Variants in GTF3C3 observed in about 807,000 individuals in gnomAD.
The protein encoded by GTF3C3 is general transcription factor 3C polypeptide 3.
GTF3C3 carries 75 observed loss-of-function variants against 105.2 expected under a neutral mutation model. The observed-to-expected ratio is 0.71, with a 90% CI of 0.59 to 0.86. The LOEUF is 0.86. Ranked by LOEUF, GTF3C3 falls within the 40% of genes least tolerant of loss-of-function variation. The probability of loss-of-function intolerance (pLI) is 0.00; values close to 1 mark genes in which losing one functional copy is unlikely to be tolerated. For synonymous variants in GTF3C3, 335 were observed against 370.4 expected, an observed-to-expected ratio of 0.90 and a Z score of 1.10; for missense variants, 856 against 1,076.5, an observed-to-expected ratio of 0.80 and a Z score of 2.87.
rs756025493 is a variant in GTF3C3, at chr2:196,789,840, C to T, written c.727+39G>A. On this transcript the variant is annotated intron_variant, in intron 5 of 17. Coordinates refer to ENST00000263956, the MANE Select transcript of GTF3C3 (RefSeq NM_012086.5). ...AATGATCAAAAAACCTATTATGTAACAGCTTGTAAAAGTGAAAAAAAAAAA... is the reference window on the plus strand; with the variant it reads ...AATGATCAAAAAACCTATTATGTAATAGCTTGTAAAAGTGAAAAAAAAAAA... The T allele has an allele frequency of 1.1e-5, 14 of 1,248,396 alleles. No homozygotes were observed. The East Asian group carries it at 3.1e-4, about 28-fold the overall frequency. The allele number at this position is 1,248,396 out of a possible 1,614,324, so 77.3% of individuals were successfully genotyped here. A position where few individuals can be genotyped will look rare whatever the true frequency, so the allele number is the denominator to read the frequency against.
chr2:196,764,645 G>A lies in GTF3C3; in HGVS notation c.2579C>T (p.Ala860Val). ...CTGATAGATGAGAGACAAGTTGTAG[G>A]CAATATCTCTTCGTAAGTCTAACTG... ...LDQLDLRRDI[A>V]YNLSLIYQSS... Residue 860 changes from alanine (A) to valine (V), a missense_variant, in exon 18 of 18, where the codon GCC becomes GTC. This residue lies in a region of GTF3C3 where 134 missense variants were observed against 128.9 expected (regional missense o/e 1.04). Coordinates refer to ENST00000263956, the MANE Select transcript of GTF3C3 (RefSeq NM_012086.5). 1 of 1,610,384 alleles carries A rather than the reference G, an allele frequency of 6.2e-7. No individual in the cohort carries two copies. Among genetic ancestry groups the A allele is most frequent in the Non-Finnish European group, 8.5e-7 (1 of 1,176,696 alleles).
chr2:196,776,541 C>G lies in GTF3C3; in HGVS notation c.1479G>C (p.Arg493Ser). 1 of 1,614,142 alleles carries G rather than the reference C, an allele frequency of 6.2e-7. No homozygotes were observed. The highest frequency in any genetic ancestry group is 8.5e-7 in the Non-Finnish European group (1 of 1,179,996). Residue 493 changes from arginine (R) to serine (S), a missense_variant, in exon 11 of 18, where the codon AGG becomes AGC. Around this residue, in one of 3 missense-constraint regions of GTF3C3, gnomAD observed 605 missense variants for 833.6 expected, o/e 0.73. Transcript: ENST00000263956. The surrounding 1 kb of genome is among the most constrained non-coding windows in gnomAD (Gnocchi z 4.5). ...GCTGCTGAAGGGTAGAAAGTGAAAT[C>G]CTTGCATCCAAATGGAGTGGGGCCA... is the stretch of plus-strand genomic sequence containing the variant. ...VDLAPLHLDA[R>S]ISLSTLQQQL...
intron 16 of GTF3C3, 48 bp from the exon 17 acceptor site, chr2:196,766,765 T>C (rs948314427): frequency 6.9e-7 from 1 of 1,453,954 alleles, no homozygotes; most frequent in Non-Finnish European, 9.5e-7. Flanking sequence ...ATTTGACAAT[T>C]ATGTACTAGA....
At chr2:196,775,887 C>T in intron 12 of GTF3C3, 123 bp downstream of exon 12, 1 of 509,274 alleles carries the variant, frequency 2.0e-6, no homozygotes, top group Non-Finnish European at 3.5e-6. Flanking sequence ...TTTTATCTTT[C>T]ATTTTTAAAA....
rs1285706250 is a variant in GTF3C3 at position 196,797,169 on chromosome 2, A to G, written c.214+628T>C. Among the ~76,000 whole-genome samples, 4 of 152,364 alleles carry G rather than the reference A, an allele frequency of 2.6e-5. No homozygotes were observed. In the East Asian group the frequency reaches 7.7e-4, roughly 29 times the overall value. On this transcript the variant is annotated intron_variant, in intron 2 of 17. Coordinates refer to ENST00000263956, the MANE Select transcript of GTF3C3 (RefSeq NM_012086.5). Reference sequence around the variant, plus strand: ...TATGGTAGTAAATGGATACCCTGAGATATTATCAGCATTCTGATCCCTGGA... The same window carrying G: ...TATGGTAGTAAATGGATACCCTGAGGTATTATCAGCATTCTGATCCCTGGA...
chr2:196,788,958 T>C (rs1159888047), intron 6 of GTF3C3, among the ~76,000 whole-genome samples: 3 of 151,920 alleles, frequency 2.0e-5, no homozygotes, highest in Non-Finnish European at 4.4e-5. Context: ...TCCCAGCTAT[T>C]TGGGAGGCTG....
intron 4 of GTF3C3, among the ~76,000 whole-genome samples, chr2:196,790,782 T>C (rs1287136049): frequency 6.6e-6 from 1 of 152,024 alleles, no homozygotes; most frequent in Non-Finnish European, 1.5e-5. Flanking sequence ...TGCCAAACTA[T>C]TGAAAAGATA....
At chr2:196,798,923 CTTTTA>C (rs995089575) in intron 1 of GTF3C3, among the ~76,000 whole-genome samples, 18 of 149,534 alleles carry the variant, frequency 1.2e-4, no homozygotes, top group Admixed American at 6.6e-5. Context: ...GGTTGCATTA[CTTTTA>C]TTTTCTCTTG....
chr2:196,780,226 T>C (rs1198285024), intron 9 of GTF3C3: 40 of 959,986 alleles, frequency 4.2e-5, no homozygotes, highest in Non-Finnish European at 4.4e-5. Context: ...TTTTTTTTTT[T>C]CAATAATATA....
At chr2:196,771,474 A>ATATT (rs752505246) in intron 15 of GTF3C3, among the ~76,000 whole-genome samples, 3 of 152,208 alleles carry the variant, frequency 2.0e-5, no homozygotes, top group East Asian at 1.9e-4. Flanking sequence ...ACAAATATTA[A>ATATT]TATTAGTAAT....
rs776724218 is a variant in GTF3C3, at chr2:196,773,111, C to G, written c.1874G>C (p.Trp625Ser). ...TATGGCCTTCAACAGAAGATTCCAC[C>G]AGTCATCCTTTGTCAAGACGCTTGT... ...VLTSVLTKDD[W>S]WNLLLKAIYS... The change falls in exon 14 of 18, where the codon TGG (tryptophan) becomes TCG (serine). Residue 625 changes from tryptophan (W) to serine (S), a missense_variant. Trp to Ser is a radical substitution (Grantham distance 177). Around this residue, in one of 3 missense-constraint regions of GTF3C3, gnomAD observed 605 missense variants for 833.6 expected, o/e 0.73. Coordinates refer to ENST00000263956, the MANE Select transcript of GTF3C3 (RefSeq NM_012086.5). 6.2e-7 allele frequency: 1 copy of G among 1,612,348 alleles called. No homozygotes were observed. Among genetic ancestry groups the G allele is most frequent in the Non-Finnish European group, 8.5e-7 (1 of 1,179,208 alleles).
At chr2:196,784,809 G>T in intron 8 of GTF3C3, 48 bp downstream of exon 8, 2 of 1,539,508 alleles carry the variant, frequency 1.3e-6, no homozygotes, top group South Asian at 2.6e-5. Context: ...GCCACCTTAT[G>T]ACCAAGAGAG....
chr2:196,767,694 A>T (rs2125738037), intron 16 of GTF3C3, among the ~76,000 whole-genome samples: 1 of 152,324 alleles, frequency 6.6e-6, no homozygotes, highest in South Asian at 2.1e-4. Flanking sequence ...TGAAAGACAC[A>T]GCTCTCTTAA....
Position 196,799,636 on chromosome 2 carries a change from C to A in GTF3C3, c.-25G>T, listed in dbSNP as rs372878312. 1.3e-6 allele frequency: 2 copies of A among 1,531,182 alleles called. No homozygotes were observed. The highest frequency in any genetic ancestry group is 1.7e-5 in the Admixed American group (1 of 59,780). 94.8% of individuals were successfully genotyped at this position (1,531,182 alleles called of 1,614,324 possible). On this transcript the variant is annotated 5_prime_UTR_variant, in exon 1 of 18. Coordinates refer to ENST00000263956, the MANE Select transcript of GTF3C3 (RefSeq NM_012086.5). ...TGTTTACAGGGTCTGTCTGTGCAAC[C>A]CCAGGAACCGGGACAGAGAACCGGA...
At position 196,764,635 on chromosome 2, in the gene GTF3C3, CA is replaced by C; in HGVS notation, c.2588del (p.Leu863CysfsTer55). 3.1e-6 allele frequency: 5 copies of C among 1,611,884 alleles called. No individual in the cohort carries two copies. The highest frequency in any genetic ancestry group is 4.2e-6 in the Non-Finnish European group (5 of 1,178,006). On this transcript the variant is annotated frameshift_variant, in exon 18 of 18. Coordinates refer to ENST00000263956, the MANE Select transcript of GTF3C3 (RefSeq NM_012086.5). LOFTEE classifies it high-confidence loss of function. ...LDLRRDIAYNLSLIYQSSGNT... is the reference protein window; with the variant it reads ...LDLRRDIAYNXSLIYQSSGNT... ...TCCCACTGCTCTGATAGATGAGAGA[CA>C]AGTTGTAGGCAATATCTCTTCGTAA...
rs116231334 is a variant in GTF3C3 at position 196,785,261 on chromosome 2, T to C, written c.1041+180A>G. ...CTGTGACAATGGCAATATTTTTTATTATGTAACTACACTTCATATTTCATA... is the reference window on the plus strand; with the variant it reads ...CTGTGACAATGGCAATATTTTTTATCATGTAACTACACTTCATATTTCATA... On this transcript the variant is annotated intron_variant, in intron 7 of 17. Transcript: ENST00000263956. Among the ~76,000 whole-genome samples the C allele has an allele frequency of 1.3e-3, 199 of 152,316 alleles. 1 individual carries two copies. Among genetic ancestry groups the C allele is most frequent in the Non-Finnish European group, 2.1e-3 (144 of 68,010 alleles).
At position 196,797,846 on chromosome 2, in the gene GTF3C3, T is replaced by A. The variant is rs375698779; in HGVS notation, c.165A>T (p.Ser55=). The change falls in exon 2 of 18, where the codon TCA becomes TCT. Residue 55 remains serine, a synonymous_variant. Transcript: ENST00000263956. The part of the protein sequence containing the change: ...EENPDDSEVP[S]SSGINSTKSQ... Reference sequence around the variant, plus strand: ...ATTTGGTAGAGTTAATTCCTGATGATGATGGAACTTCAGAGTCATCGGGAT... The same window carrying A: ...ATTTGGTAGAGTTAATTCCTGATGAAGATGGAACTTCAGAGTCATCGGGAT... 5.1e-5 allele frequency: 82 copies of A among 1,612,814 alleles called. No homozygotes were observed. In the African/African-American group the frequency reaches 9.9e-4, roughly 19 times the overall value.
intron 9 of GTF3C3, 187 bp downstream of exon 9, chr2:196,780,371 TA>T: frequency 8.1e-7 from 1 of 1,239,044 alleles, no homozygotes; most frequent in Non-Finnish European, 1.0e-6. Flanking sequence ...TAAATTACTG[TA>T]AGCCCAATTG....
chr2:196,780,357 AAAAT>A, intron 9 of GTF3C3, 198 bp downstream of exon 9: 1 of 1,206,022 alleles, frequency 8.3e-7, no homozygotes, highest in African/African-American at 1.5e-5. Flanking sequence ...TTTTAAAAGA[AAAAT>A]AAATTACTGT....
Sources: allele counts gnomAD v4.1 joint callset (sites outside exome capture counted in the v4.1 genomes callset), GRCh38; gene constraint gnomAD v4.1.1; regional missense constraint gnomAD v4.1.1; non-coding constraint Gnocchi (gnomAD v3.1); transcripts MANE v1.5; gene names NCBI Gene and HGNC (gene_info 2026-07-23, HGNC 2026-07-21).